CCDC60: variants seen among roughly 807,000 people sequenced by gnomAD.
CCDC60 encodes the protein coiled-coil domain-containing protein 60.
In CCDC60, 54 loss-of-function variants were observed where a neutral mutation model predicts 63.5. That is an observed-to-expected ratio of 0.85 (90% CI 0.68 to 1.07). The LOEUF is 1.07. Ranked by LOEUF, CCDC60 falls within the 50% of genes least tolerant of loss-of-function variation. The probability of loss-of-function intolerance (pLI) is 0.00; values close to 1 mark genes in which losing one functional copy is unlikely to be tolerated. For synonymous variants in CCDC60, 206 were observed against 238.8 expected (o/e 0.86, Z 1.27); for missense variants, 651 against 684.3 (o/e 0.95, Z 0.54).
chr12:119,368,233 GGA>G (rs369641580), intron 1 of CCDC60, among the ~76,000 whole-genome samples: 60 of 140,212 alleles, frequency 4.3e-4, no homozygotes, highest in African/African-American at 1.6e-3. Flanking sequence ...AGGAGGAGGA[GGA>G]GGGGGAGGAG....
intron 1 of CCDC60, among the ~76,000 whole-genome samples, chr12:119,400,084 C>G (rs1351868340): frequency 1.4e-5 from 2 of 140,470 alleles, no homozygotes; most frequent in Non-Finnish European, 3.0e-5. Context: ...GAGTCTCACT[C>G]TGTCGCCCAG....
In CCDC60 at chr12:119,398,173, C is replaced by T. The variant is rs550830216; in HGVS notation, c.91-30510C>T. Among the ~76,000 whole-genome samples the T allele has an allele frequency of 4.9e-4, 65 of 133,644 alleles. No individual in the cohort carries two copies. The South Asian group carries it at 0.014, about 29-fold the overall frequency. The allele number at this position is 133,644 out of a possible 152,430, so 87.7% of individuals were successfully genotyped here. On this transcript the variant is annotated intron_variant, in intron 1 of 13. Coordinates refer to ENST00000327554, the MANE Select transcript of CCDC60 (RefSeq NM_178499.5). ...GCTCAGGCATGGCGGGCTGCAGGTCCGAGCCCTGCCCTGTGGGGAGGTGGC... is the reference window on the plus strand; with the variant it reads ...GCTCAGGCATGGCGGGCTGCAGGTCTGAGCCCTGCCCTGTGGGGAGGTGGC...
At position 119,410,899 on chromosome 12, in the gene CCDC60, C is replaced by A. The variant is rs1273189747; in HGVS notation, c.91-17784C>A. Among the ~76,000 whole-genome samples, 1 of 144,072 alleles carries A rather than the reference C, an allele frequency of 6.9e-6. No individual in the cohort carries two copies. The highest frequency in any genetic ancestry group is 1.5e-5 in the Non-Finnish European group (1 of 65,470). The allele number at this position is 144,072 out of a possible 152,430, so 94.5% of individuals were successfully genotyped here. A position where few individuals can be genotyped will look rare whatever the true frequency, so the allele number is the denominator to read the frequency against. ...CTGGGACTACAGGCACGCACCACTA[C>A]ACTCAGCTAATTTTTGTATTTTTTT... On this transcript the variant is annotated intron_variant, in intron 1 of 13. Coordinates refer to ENST00000327554, the MANE Select transcript of CCDC60 (RefSeq NM_178499.5). The surrounding 1 kb of genome is among the most constrained non-coding windows in gnomAD (Gnocchi z 4.0).
intron 1 of CCDC60, among the ~76,000 whole-genome samples, chr12:119,401,060 T>G (rs1288151576): frequency 2.6e-5 from 4 of 152,214 alleles, no homozygotes; most frequent in Non-Finnish European, 5.9e-5. Context: ...ATAAATTTCC[T>G]TATGTGTAAG....
chr12:119,370,286 G>A (rs1385438909), intron 1 of CCDC60, among the ~76,000 whole-genome samples: 1 of 152,224 alleles, frequency 6.6e-6, no homozygotes, highest in East Asian at 1.9e-4. Flanking sequence ...TGGCAAAGTT[G>A]CCAAATGTCA....
At chr12:119,483,507 C>G (rs934073845) in intron 4 of CCDC60, among the ~76,000 whole-genome samples, 4 of 152,206 alleles carry the variant, frequency 2.6e-5, no homozygotes, top group Non-Finnish European at 4.4e-5. Context: ...GGCTGTGCCC[C>G]ACAGCCTTTA....
At chr12:119,515,291 A>G (rs1952326067) in intron 7 of CCDC60, among the ~76,000 whole-genome samples, 1 of 152,182 alleles carries the variant, frequency 6.6e-6, no homozygotes, top group Non-Finnish European at 1.5e-5. Context: ...TCAGGTATGA[A>G]TAAATATTTC....
intron 1 of CCDC60, among the ~76,000 whole-genome samples, chr12:119,386,750 A>G (rs1226789610): frequency 2.0e-5 from 3 of 152,212 alleles, no homozygotes; most frequent in Non-Finnish European, 4.4e-5. Context: ...ATGGTACCCA[A>G]CTCAGAAAAA....
rs1956307919 is a variant in CCDC60, at chr12:119,398,062, TGGGGGGAGAGGAAGGGGCCGC to T, written c.91-30612_91-30592del. Among the ~76,000 whole-genome samples, 76 of 14,294 alleles carry T rather than the reference TGGGGGGAGAGGAAGGGGCCGC, an allele frequency of 5.3e-3. No homozygotes were observed. The East Asian group carries it at 0.059, about 11-fold the overall frequency. The allele number at this position is 14,294 out of a possible 152,430, so 9.4% of individuals were successfully genotyped here. A position where few individuals can be genotyped will look rare whatever the true frequency, so the allele number is the denominator to read the frequency against. ...GGGCAGCGGGGGGGGAGGAAGGGGG[TGGGGGGAGAGGAAGGGGCCGC>T]GGGGGGAGGAAGGGGGCGGTGTGGG... On this transcript the variant is annotated intron_variant, in intron 1 of 13. Coordinates refer to ENST00000327554, the MANE Select transcript of CCDC60 (RefSeq NM_178499.5).
chr12:119,461,261 G>A (rs1950852152), intron 2 of CCDC60, among the ~76,000 whole-genome samples: 1 of 152,088 alleles, frequency 6.6e-6, no homozygotes, highest in Admixed American at 6.6e-5. Flanking sequence ...CCTCCCAATA[G>A]CCCTTTGAGG....
At chr12:119,506,448 A>G (rs865801144) in intron 7 of CCDC60, among the ~76,000 whole-genome samples, 3 of 149,462 alleles carry the variant, frequency 2.0e-5, no homozygotes, top group Admixed American at 2.0e-4. Flanking sequence ...CAAAAAAAAA[A>G]AAAAAAAAAA....
intron 2 of CCDC60, among the ~76,000 whole-genome samples, chr12:119,457,892 A>G (rs534084536): frequency 2.0e-5 from 3 of 152,360 alleles, no homozygotes; most frequent in Admixed American, 6.5e-5. Context: ...CAGCCAGGCT[A>G]GATTTATTAA....
In CCDC60 at chr12:119,348,631, T is replaced by C. The variant is rs572308204; in HGVS notation, c.90+13365T>C. On this transcript the variant is annotated intron_variant, in intron 1 of 13. Transcript: ENST00000327554. ...ATCTCGTGAAGATTCAAGATAATGT[T>C]CATAAGGACTGAGTCCAAAATAATA... Among the ~76,000 whole-genome samples, 158 of 152,320 alleles carry C rather than the reference T, an allele frequency of 1.0e-3. 1 individual carries two copies. The highest frequency in any genetic ancestry group is 3.6e-3 in the African/African-American group (150 of 41,570).
chr12:119,495,782 C>A (rs770963972), intron 5 of CCDC60, among the ~76,000 whole-genome samples: 1 of 152,168 alleles, frequency 6.6e-6, no homozygotes, highest in East Asian at 1.9e-4. Flanking sequence ...ACAGACAACA[C>A]CCCAGCTCTC....
At chr12:119,362,979 T>C (rs1356806699) in intron 1 of CCDC60, among the ~76,000 whole-genome samples, 1 of 152,176 alleles carries the variant, frequency 6.6e-6, no homozygotes, top group Admixed American at 6.5e-5. Context: ...ATGCCTGTAA[T>C]CCCAGCTACT....
chr12:119,358,487 C>T lies in CCDC60; in HGVS notation c.90+23221C>T, dbSNP rs574278361. ...TCCCAGTCTCCATTTTGAGCCAATA[C>T]ATTTCTGTTCATTATAAATTACCCA... On this transcript the variant is annotated intron_variant, in intron 1 of 13. Coordinates refer to ENST00000327554, the MANE Select transcript of CCDC60 (RefSeq NM_178499.5). 8.5e-5 allele frequency among the ~76,000 whole-genome samples: 13 copies of T among 152,246 alleles called. 1 individual carries two copies. The Middle Eastern group carries it at 0.01, about 120-fold the overall frequency.
intron 4 of CCDC60, 25 bp from the exon 5 acceptor site, chr12:119,488,733 TG>T (rs1328960746): frequency 1.2e-6 from 2 of 1,601,278 alleles, no homozygotes; most frequent in African/African-American, 2.7e-5. Flanking sequence ...AGGATCCCAC[TG>T]TGTTCCCTCT....
chr12:119,523,863 G>T, intron 11 of CCDC60, 45 bp downstream of exon 11: 2 of 1,598,248 alleles, frequency 1.3e-6, no homozygotes, highest in African/African-American at 1.3e-5. Flanking sequence ...CATTCACTGG[G>T]TACCTACTAT....
chr12:119,346,776 C>CTTTG (rs1365513361), intron 1 of CCDC60, among the ~76,000 whole-genome samples: 1 of 46,404 alleles, frequency 2.2e-5, no homozygotes, highest in East Asian at 6.1e-4. Flanking sequence ...TCATCTTTCT[C>CTTTG]TTTCTTTCTT....
Sources: allele counts gnomAD v4.1 joint callset (sites outside exome capture counted in the v4.1 genomes callset), GRCh38; gene constraint gnomAD v4.1.1; non-coding constraint Gnocchi (gnomAD v3.1); transcripts MANE v1.5; gene names NCBI Gene and HGNC (gene_info 2026-07-23, HGNC 2026-07-21).